FMN2: variants seen among roughly 807,000 people sequenced by gnomAD.
FMN2 encodes the protein formin 2.
Under a neutral mutation model 142.3 loss-of-function variants are expected in FMN2, and 51 were observed. The ratio of observed to expected loss-of-function variants is 0.36; its 90% CI spans 0.29 to 0.45. The LOEUF is 0.45. FMN2 is among the 20% of genes least tolerant of loss of function. FMN2 has a pLI of 1.00. For synonymous variants in FMN2, 882 were observed against 869.8 expected (o/e 1.01, Z -0.25); for missense variants, 1,936 against 2,122.8 (o/e 0.91, Z 1.73).
chr1:240,259,152 G>C (rs1468840580), intron 7 of FMN2, among the ~76,000 whole-genome samples: 1 of 152,214 alleles, frequency 6.6e-6, no homozygotes, highest in African/African-American at 2.4e-5. Context: ...GCCAAGGCTG[G>C]CGCCAGGCAG....
intron 15 of FMN2, among the ~76,000 whole-genome samples, chr1:240,435,406 A>G (rs1675331738): frequency 6.6e-6 from 1 of 151,902 alleles, no homozygotes; most frequent in Non-Finnish European, 1.5e-5. Context: ...AAATCTTCAG[A>G]GAACATGATC....
intron 7 of FMN2, among the ~76,000 whole-genome samples, chr1:240,284,901 G>T (rs1669533023): frequency 6.6e-6 from 1 of 152,036 alleles, no homozygotes; most frequent in Non-Finnish European, 1.5e-5. Context: ...TGATTCTATG[G>T]TTTTTGTTAA....
At position 240,144,924 on chromosome 1, in the gene FMN2, A is replaced by G. The variant is rs372747959; in HGVS notation, c.1782+21579A>G. ...ATATACTCATGACTCCATGATGCCA[A>G]TTCCTTCTGGGAGCCTACTAGCCGA... On this transcript the variant is annotated intron_variant, in intron 2 of 17. Transcript: ENST00000319653. The G allele has an allele frequency of 1.5e-5, 20 of 1,339,784 alleles. No homozygotes were observed. The Admixed American group carries it at 2.5e-4, about 17-fold the overall frequency. 83.0% of individuals were successfully genotyped at this position (1,339,784 alleles called of 1,614,324 possible).
chr1:240,450,378 A>G (rs1440123254), intron 16 of FMN2, among the ~76,000 whole-genome samples: 1 of 152,034 alleles, frequency 6.6e-6, no homozygotes, highest in African/African-American at 2.4e-5. Context: ...TTCTATTTCG[A>G]TTTACTTTGC....
At chr1:240,247,502 C>CAA (rs113817304) in intron 6 of FMN2, among the ~76,000 whole-genome samples, 5 of 108,034 alleles carry the variant, frequency 4.6e-5, no homozygotes, top group African/African-American at 1.3e-4. Context: ...AACTCCATTT[C>CAA]AAAAAAAAAA....
At chr1:240,211,381 G>A in intron 6 of FMN2, 146 bp downstream of exon 6, 1 of 709,712 alleles carries the variant, frequency 1.4e-6, no homozygotes, top group Non-Finnish European at 2.3e-6. Flanking sequence ...TTTAGAACAT[G>A]TGGTTAAGTA....
At chr1:240,365,300 C>G (rs1041082395) in intron 14 of FMN2, among the ~76,000 whole-genome samples, 1 of 127,200 alleles carries the variant, frequency 7.9e-6, no homozygotes, top group Admixed American at 7.5e-5. Context: ...TATATATATA[C>G]ACACAGACAC....
chr1:240,413,488 C>T (rs1674482638), intron 15 of FMN2, among the ~76,000 whole-genome samples: 1 of 152,122 alleles, frequency 6.6e-6, no homozygotes, highest in Non-Finnish European at 1.5e-5. Context: ...TGCATCTTGA[C>T]CTCTGAGATA....
At chr1:240,242,751 G>A (rs756919940) in intron 6 of FMN2, among the ~76,000 whole-genome samples, 1 of 152,164 alleles carries the variant, frequency 6.6e-6, no homozygotes, top group African/African-American at 2.4e-5. Context: ...AAAGCAAGAC[G>A]CTTTCACCCA....
chr1:240,177,876 TAACTGAA>T (rs1397061494), intron 2 of FMN2, 38 bp from the exon 3 acceptor site: 1 of 1,471,572 alleles, frequency 6.8e-7, no homozygotes. Flanking sequence ...TATTTTTTTG[TAACTGAA>T]TTAATAGCAT....
chr1:240,327,872 C>T (rs192753978), intron 8 of FMN2, among the ~76,000 whole-genome samples: 49 of 151,970 alleles, frequency 3.2e-4, no homozygotes, highest in Non-Finnish European at 5.4e-4. Flanking sequence ...CCAGGCCAGG[C>T]GCAGTGGCTC....
chr1:240,277,733 C>A (rs1306055219), intron 7 of FMN2, among the ~76,000 whole-genome samples: 1 of 151,686 alleles, frequency 6.6e-6, no homozygotes, highest in African/African-American at 2.4e-5. Context: ...CGAGGTTTCA[C>A]CATGTTGGCC....
chr1:240,260,319 A>T (rs1668583316), intron 7 of FMN2, among the ~76,000 whole-genome samples: 2 of 152,160 alleles, frequency 1.3e-5, no homozygotes, highest in African/African-American at 4.8e-5. Flanking sequence ...TTATTTAAGG[A>T]ATCTCCACAC....
intron 2 of FMN2, among the ~76,000 whole-genome samples, chr1:240,135,709 C>G (rs1487581136): frequency 6.9e-6 from 1 of 145,164 alleles, no homozygotes; most frequent in Non-Finnish European, 1.5e-5. Flanking sequence ...GAGACAGAGT[C>G]TCACTCTGTC....
chr1:240,395,793 T>C (rs1558469806), intron 15 of FMN2, among the ~76,000 whole-genome samples: 1 of 152,192 alleles, frequency 6.6e-6, no homozygotes, highest in Non-Finnish European at 1.5e-5. Context: ...GTGGTTAAGA[T>C]GCTATGAACG....
intron 4 of FMN2, among the ~76,000 whole-genome samples, chr1:240,206,255 T>C (rs1666347938): frequency 6.6e-6 from 1 of 152,160 alleles, no homozygotes; most frequent in East Asian, 1.9e-4. Flanking sequence ...CTTTCTGAAA[T>C]ACCCTAGGTA....
At chr1:240,413,120 C>CAGAAAAAA (rs1674465465) in intron 15 of FMN2, among the ~76,000 whole-genome samples, 1 of 24,566 alleles carries the variant, frequency 4.1e-5, no homozygotes, top group Non-Finnish European at 7.8e-5. Flanking sequence ...GAGACTCTGT[C>CAGAAAAAA]AAAAAAAAAA....
chr1:240,362,819 C>T (rs1032818112), intron 14 of FMN2, among the ~76,000 whole-genome samples: 3 of 152,178 alleles, frequency 2.0e-5, no homozygotes, highest in African/African-American at 7.2e-5. Flanking sequence ...CATGCTTTTA[C>T]ATAAAGTCCC....
At chr1:240,415,652 T>A (rs1181962423) in intron 15 of FMN2, among the ~76,000 whole-genome samples, 1 of 152,178 alleles carries the variant, frequency 6.6e-6, no homozygotes, top group African/African-American at 2.4e-5. Context: ...ACTGTTAGCA[T>A]CTTAGAGACT....
Sources: allele counts gnomAD v4.1 joint callset (sites outside exome capture counted in the v4.1 genomes callset), GRCh38; gene constraint gnomAD v4.1.1; transcripts MANE v1.5; gene names NCBI Gene and HGNC (gene_info 2026-07-23, HGNC 2026-07-21).